The following SV2C variants were observed in gnomAD, a reference collection of about 807,000 sequenced individuals.
The protein encoded by SV2C is solute carrier family 22 member B3.
In SV2C, 49 loss-of-function variants were observed where a neutral mutation model predicts 79.7. The ratio of observed to expected loss-of-function variants is 0.61; its 90% CI spans 0.49 to 0.78. The LOEUF (loss-of-function observed/expected upper bound fraction) is 0.78. Among genes scored for constraint, SV2C ranks in the 30% least tolerant of loss-of-function variants. The pLI is 0.00. For synonymous variants in SV2C, 334 were observed against 333.2 expected (o/e 1.00, Z -0.03); for missense variants, 833 against 912.9 (o/e 0.91, Z 1.13).
the SV2C span, among the ~76,000 whole-genome samples, chr5:75,996,892 A>G: frequency 7.5e-6 from 1 of 132,808 alleles, no homozygotes; most frequent in Non-Finnish European, 1.7e-5. Flanking sequence ...GGGCTGAGAC[A>G]GTGGGGTTTT....
Position 76,217,772 on chromosome 5 carries a change from A to G in SV2C, c.913+7885A>G, listed in dbSNP as rs562953442. Among the ~76,000 whole-genome samples the G allele has an allele frequency of 1.9e-4, 29 of 152,318 alleles. No individual in the cohort carries two copies. The South Asian group carries it at 5.8e-3, about 31-fold the overall frequency. On this transcript the variant is annotated intron_variant, in intron 4 of 12. Transcript: ENST00000502798. ...GAGAAAAGAAAAAAAAAAGGATAGAAGCTAAGATAAAAGAGAACCAAGGTA... is the reference window on the plus strand; with the variant it reads ...GAGAAAAGAAAAAAAAAAGGATAGAGGCTAAGATAAAAGAGAACCAAGGTA...
At chr5:75,865,991 G>T in the SV2C span, among the ~76,000 whole-genome samples, 1 of 152,130 alleles carries the variant, frequency 6.6e-6, no homozygotes, top group African/African-American at 2.4e-5. Flanking sequence ...TCCTGCCATT[G>T]GGAGGAGTTT....
the SV2C span, among the ~76,000 whole-genome samples, chr5:75,873,811 C>T: frequency 5.1e-4 from 78 of 152,008 alleles, 1 homozygote; most frequent in South Asian, 1.9e-3. Flanking sequence ...AAGAAAGAGA[C>T]GGACAAATTC....
At chr5:75,888,693 C>T in the SV2C span, among the ~76,000 whole-genome samples, 2 of 152,218 alleles carry the variant, frequency 1.3e-5, no homozygotes, top group South Asian at 2.1e-4. Context: ...CATTCTGTTA[C>T]AGCACCTTGT....
chr5:75,870,112 C>G, the SV2C span, among the ~76,000 whole-genome samples: 1 of 152,006 alleles, frequency 6.6e-6, no homozygotes, highest in African/African-American at 2.4e-5. Context: ...CAAACATCCA[C>G]AAGTATCAGC....
At chr5:76,120,702 AT>A (rs1241511145) in intron 1 of SV2C, among the ~76,000 whole-genome samples, 1 of 150,276 alleles carries the variant, frequency 6.7e-6, no homozygotes, top group Non-Finnish European at 1.5e-5. Flanking sequence ...TGAACTCATC[AT>A]TTTTTATGGC....
At chr5:76,175,231 G>C (rs529236981) in intron 2 of SV2C, among the ~76,000 whole-genome samples, 69 of 152,298 alleles carry the variant, frequency 4.5e-4, no homozygotes, top group African/African-American at 1.6e-3. Flanking sequence ...GATAAAGTGT[G>C]GGGGAGTCTT....
the SV2C span, among the ~76,000 whole-genome samples, chr5:76,039,737 C>A: frequency 2.9e-4 from 33 of 115,764 alleles, no homozygotes; most frequent in Non-Finnish European, 4.5e-4. Context: ...GCCTGGGCAA[C>A]AAGAGTGGAA....
chr5:76,112,811 T>A (rs755656991), intron 1 of SV2C, among the ~76,000 whole-genome samples: 6 of 152,236 alleles, frequency 3.9e-5, no homozygotes, highest in Non-Finnish European at 5.9e-5. Flanking sequence ...TGTAATCAGA[T>A]GTCAATCATG....
chr5:75,985,262 C>T, the SV2C span, among the ~76,000 whole-genome samples: 48 of 152,028 alleles, frequency 3.2e-4, no homozygotes, highest in South Asian at 4.2e-4. Flanking sequence ...TTCACTCACC[C>T]GAGAGGGAGG....
At chr5:75,965,627 G>A in the SV2C span, among the ~76,000 whole-genome samples, 4 of 152,100 alleles carry the variant, frequency 2.6e-5, no homozygotes, top group African/African-American at 9.7e-5. Flanking sequence ...CCCATTTATG[G>A]TAGTCTGTTA....
chr5:76,116,455 G>A (rs1199141900), intron 1 of SV2C, among the ~76,000 whole-genome samples: 7 of 152,178 alleles, frequency 4.6e-5, no homozygotes, highest in African/African-American at 1.7e-4. Flanking sequence ...GAATTGTTGA[G>A]GGAAGTCCCC....
the SV2C span, among the ~76,000 whole-genome samples, chr5:75,890,807 G>A: frequency 6.6e-6 from 1 of 152,114 alleles, no homozygotes; most frequent in African/African-American, 2.4e-5. Flanking sequence ...GGAGGTGGGT[G>A]AGAGAGCTTC....
At chr5:75,898,203 G>T in the SV2C span, among the ~76,000 whole-genome samples, 1 of 152,232 alleles carries the variant, frequency 6.6e-6, no homozygotes, top group East Asian at 1.9e-4. Flanking sequence ...TTGGCTGTGG[G>T]TTTGTCATAA....
the SV2C span, among the ~76,000 whole-genome samples, chr5:75,878,026 T>G: frequency 6.6e-6 from 1 of 151,844 alleles, no homozygotes; most frequent in Non-Finnish European, 1.5e-5. Context: ...TCTGTAAATA[T>G]AACAAAAACC....
chr5:75,885,340 G>A, the SV2C span, among the ~76,000 whole-genome samples: 1 of 152,218 alleles, frequency 6.6e-6, no homozygotes, highest in South Asian at 2.1e-4. Context: ...GTAGGAAATA[G>A]AGACAGTATC....
At chr5:76,316,673 G>A (rs1175938348) in intron 12 of SV2C, among the ~76,000 whole-genome samples, 1 of 152,108 alleles carries the variant, frequency 6.6e-6, no homozygotes. Flanking sequence ...ACCTGAGTGG[G>A]TACCATGAGG....
chr5:76,235,878 A>C, intron 4 of SV2C, among the ~76,000 whole-genome samples: 1 of 152,178 alleles, frequency 6.6e-6, no homozygotes, highest in East Asian at 1.9e-4. Flanking sequence ...ATTAAAATAG[A>C]GAACAGTTGG....
the SV2C span, among the ~76,000 whole-genome samples, chr5:76,019,776 G>T: frequency 1.3e-5 from 2 of 152,174 alleles, no homozygotes. Context: ...CAAAATATTG[G>T]TAGAGAGGGA....
Sources: gnomAD v4.1 joint callset for allele counts (sites outside exome capture counted in the v4.1 genomes callset) on GRCh38, gnomAD v4.1.1 for gene constraint, MANE v1.5 for transcripts, NCBI Gene and HGNC (gene_info 2026-07-23, HGNC 2026-07-21) for gene names.